Variants in MYO1D observed in about 807,000 individuals in gnomAD.
MYO1D encodes the protein myosin ID.
A neutral mutation model predicts 122.0 loss-of-function variants in MYO1D; 83 were observed. That is an observed-to-expected ratio of 0.68 (90% CI 0.57 to 0.82). The LOEUF (loss-of-function observed/expected upper bound fraction) is 0.82, where lower values mean the gene tolerates loss of function less well. MYO1D is among the 40% of genes least tolerant of loss of function. The probability of loss-of-function intolerance (pLI) is 0.00; values close to 1 mark genes in which losing one functional copy is unlikely to be tolerated. For missense variants in MYO1D, 1,157 were observed against 1,269.5 expected, an observed-to-expected ratio of 0.91 and a Z score of 1.35; for synonymous variants, 464 against 446.9, an observed-to-expected ratio of 1.04 and a Z score of -0.48.
intron 20 of MYO1D, among the ~76,000 whole-genome samples, chr17:32,623,807 C>T (rs1458637215): frequency 6.6e-6 from 1 of 152,172 alleles, no homozygotes; most frequent in Non-Finnish European, 1.5e-5. Flanking sequence ...GTCCAGGTTG[C>T]AGACTGCCAA....
intron 21 of MYO1D, among the ~76,000 whole-genome samples, chr17:32,536,423 C>T (rs1338090441): frequency 2.0e-5 from 3 of 152,126 alleles, no homozygotes; most frequent in Admixed American, 1.3e-4. Flanking sequence ...AGAGGGAAAA[C>T]TAAAAGAAGA....
intron 21 of MYO1D, among the ~76,000 whole-genome samples, chr17:32,545,627 T>A (rs903403270): frequency 4.6e-5 from 7 of 152,224 alleles, no homozygotes; most frequent in Admixed American, 3.3e-4. Flanking sequence ...ACCAGCCATA[T>A]GGTAGACTTT....
Position 32,835,164 on chromosome 17 carries a change from G to GT in MYO1D, c.95+41613dup, listed in dbSNP as rs779434725. ...GTTTTTGGTTTTGCTTTCTTTTGGG[G>GT]TTTTTTTTTTTTTGGTTTTGTGTTT... is the stretch of plus-strand genomic sequence containing the variant. On this transcript the variant is annotated intron_variant, in intron 1 of 21. Transcript: ENST00000318217. 6.7e-3 allele frequency among the ~76,000 whole-genome samples: 941 copies of GT among 140,694 alleles called. 4 individuals are homozygous for GT. Among genetic ancestry groups the GT allele is most frequent in the South Asian group, 0.019 (83 of 4,412 alleles). The allele number at this position is 140,694 out of a possible 152,430, so 92.3% of individuals were successfully genotyped here.
chr17:32,614,725 G>A (rs754628455), intron 20 of MYO1D, among the ~76,000 whole-genome samples: 3 of 152,190 alleles, frequency 2.0e-5, no homozygotes, highest in Non-Finnish European at 2.9e-5. Context: ...GCATAACTGA[G>A]AGTTTATCCC....
chr17:32,740,398 G>A (rs1014911036), intron 13 of MYO1D, among the ~76,000 whole-genome samples: 1 of 152,160 alleles, frequency 6.6e-6, no homozygotes, highest in African/African-American at 2.4e-5. Flanking sequence ...ACGTTAAATA[G>A]CAGAATTGAT....
At chr17:32,495,238 T>A (rs958273829) in intron 21 of MYO1D, among the ~76,000 whole-genome samples, 3 of 152,196 alleles carry the variant, frequency 2.0e-5, no homozygotes, top group African/African-American at 7.2e-5. Flanking sequence ...TCCTTCGGTG[T>A]ACCAGGGCTG....
chr17:32,561,715 TG>T (rs2087128216), intron 21 of MYO1D, among the ~76,000 whole-genome samples: 1 of 149,458 alleles, frequency 6.7e-6, no homozygotes, highest in Non-Finnish European at 1.5e-5. Context: ...AAAGAAAACT[TG>T]GAAAGTGACA....
intron 16 of MYO1D, among the ~76,000 whole-genome samples, chr17:32,708,879 C>T (rs150426178): frequency 6.6e-6 from 1 of 152,226 alleles, no homozygotes; most frequent in Non-Finnish European, 1.5e-5. Context: ...ACTAATTTCT[C>T]ACCAGAAAAA....
chr17:32,540,889 G>GCACTCC (rs1182383373), intron 21 of MYO1D, among the ~76,000 whole-genome samples: 2 of 144,638 alleles, frequency 1.4e-5, no homozygotes, highest in Non-Finnish European at 3.0e-5. Context: ...TTGTGCCACT[G>GCACTCC]CACTCCAGCC....
rs754451573 is a variant in MYO1D at position 32,712,029 on chromosome 17, G to A, written c.2080C>T (p.Arg694Cys). The change falls in exon 16 of 22, where the codon CGT (arginine) becomes TGT (cysteine). Residue 694 changes from arginine (R) to cysteine (C), a missense_variant. By Grantham distance (180) the Arg-to-Cys change is radical (BLOSUM62 -3). Coordinates refer to ENST00000318217, the MANE Select transcript of MYO1D (RefSeq NM_015194.3). ...ACAATCCTTATGAGCATCTGGGCAC[G>A]GAGTTCTTCCAAGGTAAACAATGTT... ...PRTLFTLEEL[R>C]AQMLIRIVLF... is the part of the protein sequence containing the mutation. 2.4e-5 allele frequency: 39 copies of A among 1,613,898 alleles called. No homozygotes were observed. Among genetic ancestry groups the A allele is most frequent in the Admixed American group, 5.0e-5 (3 of 59,996 alleles).
At chr17:32,683,491 C>G (rs991463945) in intron 16 of MYO1D, among the ~76,000 whole-genome samples, 3 of 152,076 alleles carry the variant, frequency 2.0e-5, no homozygotes, top group Non-Finnish European at 2.9e-5. Flanking sequence ...AGCTGCAGGT[C>G]TGTTGGAATA....
chr17:32,687,474 G>C (rs570123405), intron 16 of MYO1D, among the ~76,000 whole-genome samples: 140 of 152,220 alleles, frequency 9.2e-4, no homozygotes, highest in African/African-American at 3.1e-3. Context: ...TGGGATTACA[G>C]GTGTGAGCCA....
chr17:32,597,707 AC>A (rs2087511109), intron 21 of MYO1D, among the ~76,000 whole-genome samples: 1 of 151,694 alleles, frequency 6.6e-6, no homozygotes, highest in South Asian at 2.1e-4. Context: ...CCCCATCTCT[AC>A]TAAAACTATA....
intron 20 of MYO1D, among the ~76,000 whole-genome samples, chr17:32,629,994 G>A (rs1216256654): frequency 5.3e-5 from 8 of 152,168 alleles, no homozygotes; most frequent in Non-Finnish European, 7.3e-5. Context: ...TTTTGGACAG[G>A]GAATTTAAAG....
intron 20 of MYO1D, among the ~76,000 whole-genome samples, chr17:32,630,503 A>T (rs906904053): frequency 6.6e-6 from 1 of 152,194 alleles, no homozygotes; most frequent in African/African-American, 2.4e-5. Context: ...TAGGTGGCTT[A>T]AACAGCAGAA....
At chr17:32,696,263 T>A (rs2089171377) in intron 16 of MYO1D, among the ~76,000 whole-genome samples, 1 of 152,100 alleles carries the variant, frequency 6.6e-6, no homozygotes, top group East Asian at 1.9e-4. Flanking sequence ...AACTGACTAT[T>A]ATTAGGAAAT....
At chr17:32,689,611 G>C (rs1203219463) in intron 16 of MYO1D, among the ~76,000 whole-genome samples, 1 of 152,114 alleles carries the variant, frequency 6.6e-6, no homozygotes. Context: ...TGGTTAAAGA[G>C]GAATCGCATT....
chr17:32,845,647 C>T (rs765691046), intron 1 of MYO1D, among the ~76,000 whole-genome samples: 15 of 152,102 alleles, frequency 9.9e-5, no homozygotes, highest in Non-Finnish European at 1.9e-4. Flanking sequence ...ACAGTAGCCA[C>T]GAGCCACATG....
intron 1 of MYO1D, among the ~76,000 whole-genome samples, chr17:32,835,756 A>G (rs1885186024): frequency 6.6e-6 from 1 of 152,170 alleles, no homozygotes; most frequent in African/African-American, 2.4e-5. Flanking sequence ...ACACCTGGTC[A>G]TGCTTCTTCT....
Sources: allele counts gnomAD v4.1 joint callset (sites outside exome capture counted in the v4.1 genomes callset), GRCh38; gene constraint gnomAD v4.1.1; transcripts MANE v1.5; gene names NCBI Gene and HGNC (gene_info 2026-07-23, HGNC 2026-07-21).